Variants in CACNA1I observed in about 807,000 individuals in gnomAD.
The protein encoded by CACNA1I is calcium voltage-gated channel subunit alpha1 I.
A neutral mutation model predicts 201.6 loss-of-function variants in CACNA1I; 74 were observed. The observed-to-expected ratio is 0.37, with a 90% CI of 0.30 to 0.45. CACNA1I has a LOEUF of 0.45. CACNA1I is among the 20% of genes least tolerant of loss of function. The pLI is 1.00. For missense variants in CACNA1I, 2,346 were observed against 3,138.1 expected (o/e 0.75, Z 6.03); for synonymous variants, 1,431 against 1,345.2 (o/e 1.06, Z -1.40).
chr22:39,662,733 C>T (rs1836276761), intron 17 of CACNA1I, 43 bp from the exon 18 acceptor site: 2 of 1,386,372 alleles, frequency 1.4e-6, no homozygotes, highest in Non-Finnish European at 2.0e-6. Flanking sequence ...ACCGGCAACC[C>T]TGCGCATCGC....
chr22:39,647,339 C>T (rs745988660), intron 8 of CACNA1I, among the ~76,000 whole-genome samples: 36 of 152,236 alleles, frequency 2.4e-4, no homozygotes, highest in Non-Finnish European at 4.6e-4. Flanking sequence ...GGGCTGTGGG[C>T]CTGCCCCTCA....
chr22:39,638,634 G>T (rs770910433), intron 5 of CACNA1I, among the ~76,000 whole-genome samples: 53 of 152,078 alleles, frequency 3.5e-4, no homozygotes, highest in Non-Finnish European at 5.9e-4. Flanking sequence ...TATTTCTTCT[G>T]TGAATTTTTC....
In CACNA1I at chr22:39,684,646, G is replaced by T. The variant is rs1246041814; in HGVS notation, c.6027+148G>T. The T allele has an allele frequency of 1.2e-5, 10 of 810,706 alleles. No individual in the cohort carries two copies. The highest frequency in any genetic ancestry group is 1.2e-4 in the South Asian group (7 of 59,448). The allele number at this position is 810,706 out of a possible 1,614,324, so 50.2% of individuals were successfully genotyped here. A position where few individuals can be genotyped will look rare whatever the true frequency, so the allele number is the denominator to read the frequency against. On this transcript the variant is annotated intron_variant, in intron 36 of 36. Transcript: ENST00000402142. This position sits in a 1 kb window ranked among gnomAD's most constrained non-coding sequence, Gnocchi z 4.6. Reference sequence around the variant, plus strand: ...TGCAAGGGGGTTTGGGAACGCTGGGGTGACGCTGAGACTGGAGGGGGAGGT... The same window carrying T: ...TGCAAGGGGGTTTGGGAACGCTGGGTTGACGCTGAGACTGGAGGGGGAGGT...
intron 10 of CACNA1I, among the ~76,000 whole-genome samples, chr22:39,651,791 G>A (rs1934657863): frequency 1.3e-5 from 2 of 152,236 alleles, no homozygotes; most frequent in South Asian, 2.1e-4. Flanking sequence ...GAAATTGGCC[G>A]TGGAGGGAGT....
At position 39,684,266 on chromosome 22, in the gene CACNA1I, G is replaced by A. The variant is rs747517374; in HGVS notation, c.5831-36G>A. 47 of 1,599,428 alleles carry A rather than the reference G, an allele frequency of 2.9e-5. No individual in the cohort carries two copies. The highest frequency in any genetic ancestry group is 3.3e-4 in the Middle Eastern group (2 of 6,064). On this transcript the variant is annotated intron_variant, in intron 35 of 36. Coordinates refer to ENST00000402142, the MANE Select transcript of CACNA1I (RefSeq NM_021096.4). This position sits in a 1 kb window ranked among gnomAD's most constrained non-coding sequence, Gnocchi z 4.6. ...CCAGGGGCTGCCCCCTGGCCTGAGC[G>A]TGCTCCCTCAGCTCTGTCTTCTCCT... is the stretch of plus-strand genomic sequence containing the variant.
At position 39,686,214 on chromosome 22, in the gene CACNA1I, GC is replaced by G. The variant is rs1467675913; in HGVS notation, c.6486del (p.Gly2163AlafsTer109). 2.1e-5 allele frequency: 26 copies of G among 1,240,796 alleles called. No individual in the cohort carries two copies. In the South Asian group the frequency reaches 2.2e-4, roughly 11 times the overall value. The allele number at this position is 1,240,796 out of a possible 1,614,324, so 76.9% of individuals were successfully genotyped here. A position where few individuals can be genotyped will look rare whatever the true frequency, so the allele number is the denominator to read the frequency against. ...RKFSSTSSLA[A>X]PGRPHAAALA... is the part of the protein sequence containing the mutation. ...GTTCAGCAGCACCAGCAGCCTGGCC[GC>G]CCCCGGCCGCCCCCACGCCGCCGCC... On this transcript the variant is annotated frameshift_variant, in exon 37 of 37. Coordinates refer to ENST00000402142, the MANE Select transcript of CACNA1I (RefSeq NM_021096.4). LOFTEE classifies it low-confidence loss of function (END_TRUNC).
chr22:39,592,470 G>A (rs1932833911), intron 1 of CACNA1I, among the ~76,000 whole-genome samples: 1 of 152,196 alleles, frequency 6.6e-6, no homozygotes, highest in Non-Finnish European at 1.5e-5. Flanking sequence ...TGCAATGAGG[G>A]ATTGGAGCCG....
intron 11 of CACNA1I, among the ~76,000 whole-genome samples, chr22:39,658,626 C>A (rs1054228223): frequency 2.0e-5 from 3 of 152,234 alleles, no homozygotes; most frequent in Admixed American, 6.5e-5. Flanking sequence ...TGCTAATTCT[C>A]TGTGGCTTCC....
At chr22:39,598,941 G>GGTT (rs778689324) in intron 2 of CACNA1I, among the ~76,000 whole-genome samples, 2 of 68,242 alleles carry the variant, frequency 2.9e-5, no homozygotes, top group Non-Finnish European at 5.0e-5. Flanking sequence ...TGCCTCTTGG[G>GGTT]TTTTTTTTTT....
At position 39,597,526 on chromosome 22, in the gene CACNA1I, C is replaced by G. The variant is rs115402958; in HGVS notation, c.237-625C>G. ...TCTGGATTCCCTCCGCAGCAGGAGA[C>G]TTTCTGCCTGTCCAGGACTGAGGGG... On this transcript the variant is annotated intron_variant, in intron 1 of 36. Transcript: ENST00000402142. 5.6e-3 allele frequency among the ~76,000 whole-genome samples: 855 copies of G among 152,354 alleles called. 5 individuals carry two copies. The highest frequency in any genetic ancestry group is 0.019 in the African/African-American group (774 of 41,588).
intron 32 of CACNA1I, 87 bp from the exon 33 acceptor site, chr22:39,679,634 CG>C: frequency 7.6e-7 from 1 of 1,320,162 alleles, no homozygotes; most frequent in African/African-American, 1.5e-5. Flanking sequence ...GAGAACCAAC[CG>C]GGAGGGCAGC....
intron 33 of CACNA1I, 32 bp downstream of exon 33, chr22:39,679,900 T>A: frequency 6.3e-7 from 1 of 1,597,916 alleles, no homozygotes; most frequent in Non-Finnish European, 8.5e-7. Context: ...TGGCCCCTTG[T>A]GGCAGGGGCA....
At chr22:39,663,581 C>T in intron 18 of CACNA1I, 137 bp from the exon 19 acceptor site, 5 of 1,006,434 alleles carry the variant, frequency 5.0e-6, no homozygotes, top group Non-Finnish European at 7.1e-6. Context: ...GTAGAGTCGG[C>T]ACCTGGCCAG....
intron 10 of CACNA1I, among the ~76,000 whole-genome samples, chr22:39,650,188 C>T (rs1934607644): frequency 6.6e-6 from 1 of 152,022 alleles, no homozygotes. Flanking sequence ...CTCCGGGGCT[C>T]TTTTCCTCCT....
chr22:39,681,141 G>T, intron 34 of CACNA1I, 89 bp downstream of exon 34: 2 of 1,441,008 alleles, frequency 1.4e-6, no homozygotes, highest in Non-Finnish European at 9.3e-7. Context: ...TGTCTTTCCA[G>T]TCTACCATGT....
intron 3 of CACNA1I, among the ~76,000 whole-genome samples, chr22:39,601,070 T>C (rs1483854683): frequency 1.3e-5 from 2 of 152,120 alleles, no homozygotes; most frequent in African/African-American, 4.8e-5. Context: ...GACTCCAGAC[T>C]GTGGTTATTT....
intron 18 of CACNA1I, among the ~76,000 whole-genome samples, chr22:39,663,112 T>A (rs964882686): frequency 1.3e-5 from 2 of 152,158 alleles, no homozygotes; most frequent in African/African-American, 4.8e-5. Flanking sequence ...AGCCTTGGCT[T>A]CCAAGATCCC....
intron 1 of CACNA1I, among the ~76,000 whole-genome samples, chr22:39,594,057 A>T (rs1425129368): frequency 6.6e-6 from 1 of 152,130 alleles, no homozygotes; most frequent in Non-Finnish European, 1.5e-5. Flanking sequence ...GAGGAGAGCC[A>T]TGGGCAGAGA....
At chr22:39,596,519 TGGG>T (rs576731169) in intron 1 of CACNA1I, among the ~76,000 whole-genome samples, 1 of 13,616 alleles carries the variant, frequency 7.3e-5, no homozygotes, top group Admixed American at 8.8e-4. Flanking sequence ...TGGAGAGAGA[TGGG>T]GGGGCAGGGC....
Sources: allele counts gnomAD v4.1 joint callset (sites outside exome capture counted in the v4.1 genomes callset), GRCh38; gene constraint gnomAD v4.1.1; non-coding constraint Gnocchi (gnomAD v3.1); transcripts MANE v1.5; gene names NCBI Gene and HGNC (gene_info 2026-07-23, HGNC 2026-07-21).